Variants in PVALEF observed in about 807,000 individuals in gnomAD.
PVALEF encodes parvalbumin like EF-hand containing, also known as parvalbumin-like EF-hand-containing protein.
PVALEF carries 2 observed loss-of-function variants against 1.2 expected under a neutral mutation model. The observed-to-expected ratio is 1.68, with a 90% CI of 0.69 to 5.28. The LOEUF (loss-of-function observed/expected upper bound fraction) is 5.28. Ranked by LOEUF, PVALEF falls within the 30% of genes most tolerant of loss-of-function variation. The pLI, the probability that PVALEF is intolerant of heterozygous loss-of-function variation, is 0.06. For missense variants in PVALEF, 35 were observed against 17.7 expected (o/e 1.97, Z -1.75); for synonymous variants, 16 against 6.5 (o/e 2.47, Z -2.24).
rs760816679 is a variant in PVALEF at position 81,169,413 on chromosome 17, C to T, written c.-340+2569C>T. Among the ~76,000 whole-genome samples, 8 of 152,188 alleles carry T rather than the reference C, an allele frequency of 5.3e-5. No homozygotes were observed. In the South Asian group the frequency reaches 1.0e-3, roughly 20 times the overall value. Reference sequence around the variant, plus strand: ...AGGAGTTCGAGACCAGCCTGGCCAACATGGTGAAGCCCCGTATCTACTAAA... The same window carrying T: ...AGGAGTTCGAGACCAGCCTGGCCAATATGGTGAAGCCCCGTATCTACTAAA... On this transcript the variant is annotated intron_variant, in intron 2 of 6. Coordinates refer to ENST00000637878, the MANE Select transcript of PVALEF (RefSeq NM_001354639.2).
chr17:81,175,649 C>G (rs75422481), intron 2 of PVALEF, among the ~76,000 whole-genome samples: 13,247 of 152,146 alleles, frequency 0.087, 722 homozygotes, highest in East Asian at 0.17. Context: ...TATGGTCAAA[C>G]GATTGTTGAC....
At position 81,166,691 on chromosome 17, in the gene PVALEF, G is replaced by A. The variant is rs1253553081; in HGVS notation, c.-493G>A. The A allele has an allele frequency of 2.2e-6, 1 of 454,090 alleles. No homozygotes were observed. The highest frequency in any genetic ancestry group is 4.4e-6 in the Non-Finnish European group (1 of 226,666). The allele number at this position is 454,090 out of a possible 1,614,324, so 28.1% of individuals were successfully genotyped here. A position where few individuals can be genotyped will look rare whatever the true frequency, so the allele number is the denominator to read the frequency against. ...CTCACTTGCAGGTTTCGAGGCGGCTGGCAGCCGCCCCCCCACCCCATGCCC... is the reference window on the plus strand; with the variant it reads ...CTCACTTGCAGGTTTCGAGGCGGCTAGCAGCCGCCCCCCCACCCCATGCCC... On this transcript the variant is annotated 5_prime_UTR_variant, in exon 2 of 7. Coordinates refer to ENST00000637878, the MANE Select transcript of PVALEF (RefSeq NM_001354639.2).
intron 6 of PVALEF, among the ~76,000 whole-genome samples, chr17:81,182,367 T>C (rs2061557669): frequency 1.3e-5 from 2 of 152,122 alleles, no homozygotes; most frequent in Non-Finnish European, 2.9e-5. Flanking sequence ...TCTTTGAGGC[T>C]CTCCATGGCT....
At chr17:81,172,637 G>A (rs2061524452) in intron 2 of PVALEF, among the ~76,000 whole-genome samples, 1 of 152,116 alleles carries the variant, frequency 6.6e-6, no homozygotes, top group Non-Finnish European at 1.5e-5. Context: ...GTGGGCACCT[G>A]TAATCCCAGC....
chr17:81,166,101 C>T, intron 1 of PVALEF: 9 of 577,106 alleles, frequency 1.6e-5, no homozygotes, highest in Non-Finnish European at 2.0e-5. Flanking sequence ...GTGCGGAGCG[C>T]GCCGGCCCCC....
intron 2 of PVALEF, among the ~76,000 whole-genome samples, chr17:81,172,392 G>A (rs772585443): frequency 2.6e-5 from 4 of 152,202 alleles, no homozygotes; most frequent in Non-Finnish European, 5.9e-5. Flanking sequence ...AAAGGGAGGG[G>A]CTTCTTGGAC....
chr17:81,168,641 A>G (rs2061507574), intron 2 of PVALEF, among the ~76,000 whole-genome samples: 1 of 151,980 alleles, frequency 6.6e-6, no homozygotes, highest in Non-Finnish European at 1.5e-5. Flanking sequence ...CGCCCCTGGG[A>G]CTCTCTAGAG....
chr17:81,169,790 ATG>A (rs1250615914), intron 2 of PVALEF, among the ~76,000 whole-genome samples: 9 of 151,130 alleles, frequency 6.0e-5, no homozygotes, highest in African/African-American at 9.7e-5. Flanking sequence ...ATATGTGTAG[ATG>A]TGTGTGTCTT....
At chr17:81,176,875 G>C (rs2061537338) in intron 2 of PVALEF, among the ~76,000 whole-genome samples, 1 of 151,746 alleles carries the variant, frequency 6.6e-6, no homozygotes, top group Non-Finnish European at 1.5e-5. Flanking sequence ...TCCATGAACA[G>C]GCAAGTGAAT....
rs377560121 is a variant in PVALEF, at chr17:81,179,698, C to T, written c.-105+546C>T. ...CCCCGAGAGGCCTCTCTCATCTCAG[C>T]ATCTGCCCTTGGAGACTGGGTGGCA... On this transcript the variant is annotated intron_variant, in intron 3 of 6. Coordinates refer to ENST00000637878, the MANE Select transcript of PVALEF (RefSeq NM_001354639.2). Among the ~76,000 whole-genome samples the T allele has an allele frequency of 1.2e-4, 19 of 152,202 alleles. No homozygotes were observed. The East Asian group carries it at 1.4e-3, about 11-fold the overall frequency.
At chr17:81,177,380 T>G (rs1351004701) in intron 2 of PVALEF, among the ~76,000 whole-genome samples, 1 of 151,128 alleles carries the variant, frequency 6.6e-6, no homozygotes, top group Non-Finnish European at 1.5e-5. Context: ...AAACTCAGTC[T>G]CTACTAAAAA....
At chr17:81,165,908 G>A (rs376056569) in intron 1 of PVALEF, 161 bp downstream of exon 1, 9 of 1,565,180 alleles carry the variant, frequency 5.8e-6, no homozygotes, top group East Asian at 2.4e-5. Context: ...GGGAGGCAGC[G>A]GCGCGCAGGC....
chr17:81,182,544 C>CG lies in PVALEF; in HGVS notation c.359-414dup, dbSNP rs958024107. On this transcript the variant is annotated intron_variant, in intron 6 of 6. Transcript: ENST00000637878. ...AAACCCCAGCAAACCTGGCTTGTGGCGGGGGGGTCACAAGGCTTGACAGGC... is the reference window on the plus strand; with the variant it reads ...AAACCCCAGCAAACCTGGCTTGTGGCGGGGGGGGTCACAAGGCTTGACAGGC... 2.6e-4 allele frequency among the ~76,000 whole-genome samples: 40 copies of CG among 152,262 alleles called. 3 individuals are homozygous for CG. The highest frequency in any genetic ancestry group is 1.5e-3 in the Admixed American group (23 of 15,298).
intron 2 of PVALEF, among the ~76,000 whole-genome samples, chr17:81,176,363 A>C (rs1598249600): frequency 6.6e-6 from 1 of 152,146 alleles, no homozygotes; most frequent in Middle Eastern, 3.4e-3. Flanking sequence ...CACTAAAAAT[A>C]CAAAAATTAG....
At chr17:81,174,240 C>A (rs572849765) in intron 2 of PVALEF, among the ~76,000 whole-genome samples, 2 of 152,280 alleles carry the variant, frequency 1.3e-5, no homozygotes, top group East Asian at 3.9e-4. Flanking sequence ...TCAAGAAAAG[C>A]GTGTCCACTC....
chr17:81,168,584 A>AGACATAG (rs1300542921), intron 2 of PVALEF, among the ~76,000 whole-genome samples: 1 of 152,178 alleles, frequency 6.6e-6, no homozygotes, highest in African/African-American at 2.4e-5. Flanking sequence ...AGGTCCCTGA[A>AGACATAG]GACATAGCTG....
chr17:81,166,121 G>GC (rs995211936), intron 1 of PVALEF: 1 of 415,352 alleles, frequency 2.4e-6, no homozygotes. Context: ...CGCGCCCCGC[G>GC]CCCCCCGCCG....
intron 2 of PVALEF, among the ~76,000 whole-genome samples, chr17:81,171,169 G>A (rs959683574): frequency 9.2e-5 from 14 of 152,198 alleles, no homozygotes; most frequent in Admixed American, 7.2e-4. Flanking sequence ...CTTCCAGGCC[G>A]GCGTAGCCCA....
At chr17:81,178,344 C>T (rs950436878) in intron 2 of PVALEF, among the ~76,000 whole-genome samples, 14 of 152,244 alleles carry the variant, frequency 9.2e-5, no homozygotes, top group South Asian at 2.1e-4. Flanking sequence ...CACAGGCCTG[C>T]GGTGCCCAGC....
Sources: allele counts gnomAD v4.1 joint callset (sites outside exome capture counted in the v4.1 genomes callset), GRCh38; gene constraint gnomAD v4.1.1; transcripts MANE v1.5; gene names NCBI Gene and HGNC (gene_info 2026-07-23, HGNC 2026-07-21).